The following ARL10 variants were observed in gnomAD, a reference collection of about 807,000 sequenced individuals.
ARL10 encodes the protein ARF like GTPase 10, also known as ADP-ribosylation factor-like protein 10.
Under a neutral mutation model 26.1 loss-of-function variants are expected in ARL10, and 23 were observed. The observed-to-expected ratio is 0.88, with a 90% CI of 0.63 to 1.25. The LOEUF (loss-of-function observed/expected upper bound fraction) is 1.25. Ranked by LOEUF, ARL10 falls within the 50% of genes most tolerant of loss-of-function variation. The probability of loss-of-function intolerance (pLI) is 0.00; values close to 1 mark genes in which losing one functional copy is unlikely to be tolerated. For missense variants in ARL10, 300 were observed against 323.6 expected (o/e 0.93, Z 0.56); for synonymous variants, 138 against 149.1 (o/e 0.93, Z 0.54).
intron 1 of ARL10, chr5:176,398,185 C>G (rs1756646438): frequency 1.4e-6 from 1 of 718,954 alleles, no homozygotes; most frequent in Admixed American, 2.2e-5. Context: ...GTGACTACAC[C>G]TATCTTTGCA....
chr5:176,385,530 C>T (rs1027257889), downstream of ARL10, among the ~76,000 whole-genome samples: 4 of 152,168 alleles, frequency 2.6e-5, no homozygotes, highest in Non-Finnish European at 5.9e-5. Context: ...TCCTATGACC[C>T]ACTCATCTAC....
chr5:176,393,012 G>A, downstream of ARL10: 1 of 1,583,544 alleles, frequency 6.3e-7, no homozygotes, highest in Non-Finnish European at 8.7e-7. This position sits in a 1 kb window ranked among gnomAD's most constrained non-coding sequence, Gnocchi z 4.4. Context: ...CTTGAGCAAG[G>A]CTGCTTTGCC....
chr5:176,389,607 G>A, downstream of ARL10: 1 of 1,195,676 alleles, frequency 8.4e-7, no homozygotes, highest in Non-Finnish European at 1.2e-6. Context: ...AGGCCCATGT[G>A]TCGCTGGGGA....
At chr5:176,403,262 C>T (rs1756919798), downstream of ARL10, among the ~76,000 whole-genome samples, 1 of 152,042 alleles carries the variant, frequency 6.6e-6, no homozygotes, top group Non-Finnish European at 1.5e-5. Context: ...GTTGGCCAGA[C>T]TTGTGTCGAA....
At chr5:176,386,949 A>G in intron 1 of ARL10, 1 of 1,573,414 alleles carries the variant, frequency 6.4e-7, no homozygotes, top group Non-Finnish European at 8.7e-7. Flanking sequence ...AGGATCTTTG[A>G]TGAGGGAAAG....
At position 176,397,834 on chromosome 5, in the gene ARL10, A is replaced by G. The variant is rs1056324434; in HGVS notation, c.134-3907A>G. On this transcript the variant is annotated intron_variant, in intron 1 of 1. Coordinates refer to the ARL10 transcript ENST00000514533. ...CAGGGCCGCACCGGCCCAGTCCCAC[A>G]TTAAGGCATGCAGCATCCCATGCAC... The G allele has an allele frequency of 2.9e-5, 42 of 1,470,770 alleles. 1 individual carries two copies. Among genetic ancestry groups the G allele is most frequent in the African/African-American group, 9.7e-5 (7 of 71,968 alleles). 91.1% of individuals were successfully genotyped at this position (1,470,770 alleles called of 1,614,324 possible).
Position 176,372,061 on chromosome 5 carries a change from G to A in ARL10, c.*166G>A. 2 of 1,434,312 alleles carry A rather than the reference G, an allele frequency of 1.4e-6. No individual in the cohort carries two copies. The highest frequency in any genetic ancestry group is 1.8e-6 in the Non-Finnish European group (2 of 1,096,702). The allele number at this position is 1,434,312 out of a possible 1,614,324, so 88.8% of individuals were successfully genotyped here. Reference sequence around the variant, plus strand: ...GGGCAAGGCCAAGAACCATGCAGAAGCCTTCCTGGTGAGGTGGCCGTGAAG... The same window carrying A: ...GGGCAAGGCCAAGAACCATGCAGAAACCTTCCTGGTGAGGTGGCCGTGAAG... On this transcript the variant is annotated 3_prime_UTR_variant, in exon 4 of 4. Coordinates refer to ENST00000310389, the MANE Select transcript of ARL10 (RefSeq NM_173664.6).
At chr5:176,413,404 G>T in the ARL10 span, among the ~76,000 whole-genome samples, 414 of 152,328 alleles carry the variant, frequency 2.7e-3, 4 homozygotes, top group African/African-American at 9.0e-3. Flanking sequence ...TGTGAAAATG[G>T]AAACCTACCC....
rs948767401 is a variant in ARL10, at chr5:176,366,441, T to G, written c.245T>G (p.Val82Gly). The G allele has an allele frequency of 2.5e-6, 4 of 1,613,352 alleles. No individual in the cohort carries two copies. The highest frequency in any genetic ancestry group is 8.5e-7 in the Non-Finnish European group (1 of 1,179,964). The change falls in exon 2 of 4, where the codon GTG (valine) becomes GGG (glycine). Residue 82 changes from valine (V) to glycine (G), a missense_variant. Val to Gly is a moderately radical substitution (Grantham distance 109). Transcript: ENST00000310389. ...GAGCTGGAACAGCGCGAGGTGCTGG[T>G]GCTGGGGCTGGATGGCGCAGGCAAG... The part of the protein sequence containing the change: ...LEELEQREVL[V>G]LGLDGAGKST...
chr5:176,382,491 C>A (rs886578425), downstream of ARL10, among the ~76,000 whole-genome samples: 2 of 152,218 alleles, frequency 1.3e-5, no homozygotes, highest in East Asian at 3.9e-4. Flanking sequence ...GAAGGGAAGT[C>A]TTCACTACAC....
chr5:176,395,910 G>T (rs1224461676), intron 1 of ARL10, among the ~76,000 whole-genome samples: 1 of 152,162 alleles, frequency 6.6e-6, no homozygotes. Flanking sequence ...CGAGGTGGGT[G>T]GATCACCTGA....
chr5:176,390,401 C>G (rs977769204), downstream of ARL10, among the ~76,000 whole-genome samples: 37 of 152,002 alleles, frequency 2.4e-4, 1 homozygote, highest in Middle Eastern at 3.2e-3. Context: ...TCCCACCTCC[C>G]TAGAGTCTAT....
chr5:176,402,747 C>T (rs1426576167), downstream of ARL10, among the ~76,000 whole-genome samples: 1 of 152,142 alleles, frequency 6.6e-6, no homozygotes, highest in East Asian at 1.9e-4. Context: ...ACAGGGAGTC[C>T]CTCACAAATG....
downstream of ARL10, chr5:176,384,159 G>A (rs776363147): frequency 2.5e-6 from 4 of 1,613,740 alleles, no homozygotes; most frequent in Non-Finnish European, 3.4e-6. Flanking sequence ...GCACCTCCTT[G>A]CCTTACACCC....
chr5:176,394,085 C>T (rs1057185224), intron 1 of ARL10, among the ~76,000 whole-genome samples: 6 of 152,194 alleles, frequency 3.9e-5, no homozygotes, highest in African/African-American at 1.4e-4. Flanking sequence ...CATAGCTCTG[C>T]CCTACCAACT....
chr5:176,404,583 T>C (rs984553505), downstream of ARL10, among the ~76,000 whole-genome samples: 1 of 152,236 alleles, frequency 6.6e-6, no homozygotes, highest in African/African-American at 2.4e-5. Flanking sequence ...GGAACAGCCT[T>C]AAGGAAACTC....
chr5:176,367,915 C>T lies in ARL10; in HGVS notation c.386-892C>T, dbSNP rs78425229. ...GAGGGAGCTCCTTGGTGCAGGGCCCCTGCTTGCCTTGCTCACCTCTGTATC... is the reference window on the plus strand; with the variant it reads ...GAGGGAGCTCCTTGGTGCAGGGCCCTTGCTTGCCTTGCTCACCTCTGTATC... On this transcript the variant is annotated intron_variant, in intron 2 of 3. Transcript: ENST00000310389. 967 of 531,466 alleles carry T rather than the reference C, an allele frequency of 1.8e-3. 24 individuals are homozygous for T. In the East Asian group the frequency reaches 0.044, roughly 24 times the overall value. The allele number at this position is 531,466 out of a possible 1,614,324, so 32.9% of individuals were successfully genotyped here.
Position 176,394,539 on chromosome 5 carries a change from C to T in ARL10, c.134-7202C>T, listed in dbSNP as rs1756407450. The stretch of plus-strand genomic sequence containing the variant: ...ATACAAAAAATTAGCTGGGTGTGGC[C>T]AGGCGCGGTGGCTCATGCCTGTAAT... On this transcript the variant is annotated intron_variant, in intron 1 of 1. Coordinates refer to the ARL10 transcript ENST00000514533. Among the ~76,000 whole-genome samples, 4 of 151,732 alleles carry T rather than the reference C, an allele frequency of 2.6e-5. No individual in the cohort carries two copies. In the South Asian group the frequency reaches 8.3e-4, roughly 32 times the overall value.
rs1271034195 is a variant in ARL10, at chr5:176,379,125, A to G, written c.*7230A>G. On this transcript the variant is annotated 3_prime_UTR_variant, in exon 4 of 4. Coordinates refer to ENST00000310389, the MANE Select transcript of ARL10 (RefSeq NM_173664.6). ...GTCTAATTGCAGGCCATGATATGTG[A>G]TGGGCCTGTGCTTTCCCAACTATGT... 6.6e-6 allele frequency: 1 copy of G among 152,074 alleles called. No homozygotes were observed. Among genetic ancestry groups the G allele is most frequent in the East Asian group, 1.9e-4 (1 of 5,194 alleles). 9.4% of individuals were successfully genotyped at this position (152,074 alleles called of 1,614,324 possible).
Sources: gnomAD v4.1 joint callset for allele counts (sites outside exome capture counted in the v4.1 genomes callset) on GRCh38, gnomAD v4.1.1 for gene constraint, Gnocchi (gnomAD v3.1) non-coding constraint, MANE v1.5 for transcripts, NCBI Gene and HGNC (gene_info 2026-07-23, HGNC 2026-07-21) for gene names.